FARS2: variants seen among roughly 807,000 people sequenced by gnomAD.
FARS2 encodes the protein phenylalanyl-tRNA synthetase 2, mitochondrial, also known as phenylalanine--tRNA ligase, mitochondrial.
Under a neutral mutation model 46.4 loss-of-function variants are expected in FARS2, and 40 were observed. That is an observed-to-expected ratio of 0.86 (90% CI 0.67 to 1.12). The LOEUF is 1.12. Among genes scored for constraint, FARS2 ranks in the 50% most tolerant of loss-of-function variants. FARS2 has a pLI of 0.00. For synonymous variants in FARS2, 234 were observed against 214.9 expected (o/e 1.09, Z -0.78); for missense variants, 513 against 567.9 (o/e 0.90, Z 0.98).
upstream of FARS2, chr6:5,260,596 G>GGGGCCCC: frequency 2.5e-6 from 3 of 1,204,082 alleles, no homozygotes; most frequent in Admixed American, 2.1e-5. Flanking sequence ...CCGCACCCCC[G>GGGGCCCC]GTCCCCGGCC....
chr6:5,684,559 C>T (rs1757034426), intron 6 of FARS2, among the ~76,000 whole-genome samples: 1 of 152,166 alleles, frequency 6.6e-6, no homozygotes. Flanking sequence ...TCACCCTTAC[C>T]CTAGAGTAAG....
intron 1 of FARS2, among the ~76,000 whole-genome samples, chr6:5,296,285 G>A (rs1253090585): frequency 1.3e-5 from 2 of 151,732 alleles, no homozygotes; most frequent in Admixed American, 6.6e-5. Flanking sequence ...GGGACTGCAG[G>A]TGCCCATCAC....
At chr6:5,700,715 T>C (rs1007568342) in intron 6 of FARS2, among the ~76,000 whole-genome samples, 2 of 152,152 alleles carry the variant, frequency 1.3e-5, no homozygotes, top group African/African-American at 4.8e-5. Flanking sequence ...CTGCTTCACC[T>C]CCACCTGTGA....
intron 4 of FARS2, among the ~76,000 whole-genome samples, chr6:5,529,337 C>G (rs1769671309): frequency 6.6e-6 from 1 of 152,042 alleles, no homozygotes; most frequent in Non-Finnish European, 1.5e-5. Context: ...GAGACAGAGT[C>G]TCACTCTGTC....
intron 1 of FARS2, among the ~76,000 whole-genome samples, chr6:5,285,069 G>A (rs1171438068): frequency 6.6e-6 from 1 of 152,192 alleles, no homozygotes; most frequent in African/African-American, 2.4e-5. Flanking sequence ...AAGAAGCCAG[G>A]TAGCAAGGAG....
chr6:5,529,293 A>T (rs1769666698), intron 4 of FARS2, among the ~76,000 whole-genome samples: 1 of 152,150 alleles, frequency 6.6e-6, no homozygotes, highest in African/African-American at 2.4e-5. Context: ...TTTTTTGTAC[A>T]AAAACAAGTC....
intron 1 of FARS2, among the ~76,000 whole-genome samples, chr6:5,331,921 C>T (rs1770825271): frequency 2.0e-5 from 3 of 152,078 alleles, no homozygotes; most frequent in Admixed American, 1.3e-4. Context: ...AGGATATGTG[C>T]ATGGTTTAGT....
intron 2 of FARS2, among the ~76,000 whole-genome samples, chr6:5,400,279 G>A (rs566017941): frequency 9.2e-5 from 14 of 151,932 alleles, no homozygotes; most frequent in African/African-American, 2.9e-4. Context: ...TGAATTGTCT[G>A]TTCTTTTTCT....
At chr6:5,429,786 C>T (rs943260767) in intron 3 of FARS2, among the ~76,000 whole-genome samples, 52 of 152,148 alleles carry the variant, frequency 3.4e-4, no homozygotes, top group Non-Finnish European at 2.1e-4. Context: ...GCAGTCCAGC[C>T]TGGGTGACAG....
chr6:5,584,684 T>C (rs1316623543), intron 5 of FARS2, among the ~76,000 whole-genome samples: 2 of 152,180 alleles, frequency 1.3e-5, no homozygotes, highest in Admixed American at 1.3e-4. Flanking sequence ...ATGTTTTTTT[T>C]TAACCTTCCA....
At chr6:5,482,793 G>A (rs1766547456) in intron 4 of FARS2, among the ~76,000 whole-genome samples, 1 of 152,220 alleles carries the variant, frequency 6.6e-6, no homozygotes, top group Admixed American at 6.5e-5. Flanking sequence ...AAAGGACAAT[G>A]ATGGATTAGC....
In FARS2 at chr6:5,494,457, A is replaced by G. The variant is rs1017461227; in HGVS notation, c.905-50723A>G. Among the ~76,000 whole-genome samples, 11 of 152,284 alleles carry G rather than the reference A, an allele frequency of 7.2e-5. 1 individual carries two copies. Among genetic ancestry groups the G allele is most frequent in the Admixed American group, 7.2e-4 (11 of 15,302 alleles). ...GCGGGCTTTGAAACTCTGCGTGTTT[A>G]GGTGTCCTTGATAGGTTCTTATTCT... On this transcript the variant is annotated intron_variant, in intron 4 of 6. Transcript: ENST00000274680.
intron 6 of FARS2, among the ~76,000 whole-genome samples, chr6:5,712,898 A>G (rs56865081): frequency 0.043 from 6,610 of 152,332 alleles, 505 homozygotes; most frequent in African/African-American, 0.15. Flanking sequence ...CACACAGTAG[A>G]CACACCTAGC....
At chr6:5,373,417 T>C (rs1234829699) in intron 2 of FARS2, among the ~76,000 whole-genome samples, 1 of 152,082 alleles carries the variant, frequency 6.6e-6, no homozygotes, top group Non-Finnish European at 1.5e-5. Context: ...TCCCCCAAAA[T>C]GTTGGACTTG....
intron 4 of FARS2, among the ~76,000 whole-genome samples, chr6:5,472,023 CTCCTCT>C (rs998430423): frequency 1.3e-5 from 2 of 152,242 alleles, no homozygotes; most frequent in African/African-American, 4.8e-5. Context: ...TCCTTTTCTC[CTCCTCT>C]TCCTCTTCCT....
chr6:5,565,838 T>C (rs1772289619), intron 5 of FARS2, among the ~76,000 whole-genome samples: 1 of 152,176 alleles, frequency 6.6e-6, no homozygotes, highest in Non-Finnish European at 1.5e-5. Flanking sequence ...TTTGCCAAAA[T>C]GATGACTCAA....
chr6:5,345,642 AT>A (rs1757181937), intron 1 of FARS2, among the ~76,000 whole-genome samples: 1 of 152,206 alleles, frequency 6.6e-6, no homozygotes, highest in Non-Finnish European at 1.5e-5. Context: ...TAGTGTTTGA[AT>A]TTGGTGTTTG....
At chr6:5,674,596 T>C (rs985955531) in intron 6 of FARS2, among the ~76,000 whole-genome samples, 11 of 152,194 alleles carry the variant, frequency 7.2e-5, no homozygotes, top group African/African-American at 2.7e-4. Flanking sequence ...TGCAAAATGT[T>C]TGTGGTCATT....
At chr6:5,745,745 G>T (rs1761598684) in intron 6 of FARS2, among the ~76,000 whole-genome samples, 1 of 152,106 alleles carries the variant, frequency 6.6e-6, no homozygotes, top group Non-Finnish European at 1.5e-5. Flanking sequence ...TTACTATGTT[G>T]CCCAGGCTAG....
Sources: gnomAD v4.1 joint callset for allele counts (sites outside exome capture counted in the v4.1 genomes callset) on GRCh38, gnomAD v4.1.1 for gene constraint, MANE v1.5 for transcripts, NCBI Gene and HGNC (gene_info 2026-07-23, HGNC 2026-07-21) for gene names.